FAM229B: variants seen among roughly 807,000 people sequenced by gnomAD.
FAM229B encodes the protein family with sequence similarity 229 member B.
A neutral mutation model predicts 6.7 loss-of-function variants in FAM229B; 2 were observed. The ratio of observed to expected loss-of-function variants is 0.30; its 90% CI spans 0.12 to 0.94. The LOEUF (loss-of-function observed/expected upper bound fraction) is 0.94. Ranked by LOEUF, FAM229B falls within the 40% of genes least tolerant of loss-of-function variation. The probability of loss-of-function intolerance (pLI) is 0.54; values close to 1 mark genes in which losing one functional copy is unlikely to be tolerated. For synonymous variants in FAM229B, 29 were observed against 34.0 expected, an observed-to-expected ratio of 0.85 and a Z score of 0.51; for missense variants, 93 against 96.2, an observed-to-expected ratio of 0.97 and a Z score of 0.14.
chr6:112,094,269 T>C (rs1777294212), intron 1 of FAM229B, among the ~76,000 whole-genome samples: 1 of 152,144 alleles, frequency 6.6e-6, no homozygotes. Context: ...CCTAAATATG[T>C]GTCCTGAGAA....
Position 112,101,562 on chromosome 6 carries a change from A to T in FAM229B, c.*775A>T, listed in dbSNP as rs1777399483. 6.6e-6 allele frequency: 1 copy of T among 152,050 alleles called. No homozygotes were observed. The highest frequency in any genetic ancestry group is 6.5e-5 in the Admixed American group (1 of 15,270). The allele number at this position is 152,050 out of a possible 1,614,324, so 9.4% of individuals were successfully genotyped here. On this transcript the variant is annotated 3_prime_UTR_variant, in exon 4 of 4. Transcript: ENST00000368656. ...GTTAGATGTGGGATCACTTTTGAGG[A>T]TGAGGCCAGCTCTCTATGTTCTCTT... is the stretch of plus-strand genomic sequence containing the variant.
At chr6:112,095,662 C>CAAA (rs376039549) in intron 1 of FAM229B, among the ~76,000 whole-genome samples, 4 of 77,882 alleles carry the variant, frequency 5.1e-5, no homozygotes, top group East Asian at 4.4e-4. Context: ...AAAAAAAAAC[C>CAAA]AAAAAAAAAA....
intron 3 of FAM229B, 132 bp downstream of exon 3, chr6:112,099,540 A>G: frequency 3.5e-6 from 3 of 850,116 alleles, no homozygotes; most frequent in South Asian, 4.9e-5. Flanking sequence ...AAGTTAGCGT[A>G]TTAACAGAGC....
chr6:112,094,347 T>A (rs1554318461), intron 1 of FAM229B, among the ~76,000 whole-genome samples: 1 of 152,220 alleles, frequency 6.6e-6, no homozygotes. Flanking sequence ...GAGTTTTTGC[T>A]CCTGCGTGAT....
intron 1 of FAM229B, among the ~76,000 whole-genome samples, chr6:112,093,032 A>T (rs193071947): frequency 6.6e-6 from 1 of 151,966 alleles, no homozygotes; most frequent in Admixed American, 6.5e-5. Context: ...GCAAATTTTA[A>T]TTCAACCGTA....
rs1554319180 is a variant in FAM229B, at chr6:112,100,720, C to T, written c.176C>T (p.Pro59Leu). Residue 59 changes from proline to leucine, a missense_variant, in exon 4 of 4, where the codon CCC (proline) becomes CTC (leucine). Physicochemically the swap from Pro to Leu is moderately conservative, Grantham distance 98. Coordinates refer to ENST00000368656, the MANE Select transcript of FAM229B (RefSeq NM_001033564.3). ...GSHCLTITDV[P>L]VTVYATTRKP... ...CATTGCCTGACAATAACTGATGTTC[C>T]CGTCACTGTTTATGCAACAACGAGA... 5 of 1,613,992 alleles carry T rather than the reference C, an allele frequency of 3.1e-6. No homozygotes were observed. The highest frequency in any genetic ancestry group is 4.2e-6 in the Non-Finnish European group (5 of 1,179,944).
rs1254389402 is a variant in FAM229B, at chr6:112,100,994, T to C, written c.*207T>C. ...GTTATGTCTGATACATAAGACAGAA[T>C]AATATTTCACAATTAGAAAGTACCT... On this transcript the variant is annotated 3_prime_UTR_variant, in exon 4 of 4. Coordinates refer to ENST00000368656, the MANE Select transcript of FAM229B (RefSeq NM_001033564.3). The C allele has an allele frequency of 2.1e-6, 1 of 473,736 alleles. No individual in the cohort carries two copies. The highest frequency in any genetic ancestry group is 2.0e-5 in the African/African-American group (1 of 50,656). 29.3% of individuals were successfully genotyped at this position (473,736 alleles called of 1,614,324 possible).
In FAM229B at chr6:112,101,032, T is replaced by A. The variant is rs952977143; in HGVS notation, c.*245T>A. The A allele has an allele frequency of 5.5e-6, 2 of 362,002 alleles. No individual in the cohort carries two copies. The highest frequency in any genetic ancestry group is 4.9e-5 in the East Asian group (1 of 20,332). The allele number at this position is 362,002 out of a possible 1,614,324, so 22.4% of individuals were successfully genotyped here. A position where few individuals can be genotyped will look rare whatever the true frequency, so the allele number is the denominator to read the frequency against. Reference sequence around the variant, plus strand: ...TTAGAAAGTACCTTAGAGATCATCTTGCTCACAGTAGATCATTAATATCAA... The same window carrying A: ...TTAGAAAGTACCTTAGAGATCATCTAGCTCACAGTAGATCATTAATATCAA... On this transcript the variant is annotated 3_prime_UTR_variant, in exon 4 of 4. Transcript: ENST00000368656.
At chr6:112,094,515 C>T (rs1424637308) in intron 1 of FAM229B, among the ~76,000 whole-genome samples, 3 of 151,634 alleles carry the variant, frequency 2.0e-5, no homozygotes, top group African/African-American at 7.3e-5. Flanking sequence ...TTTTTGTCTC[C>T]CACTCATTTC....
chr6:112,088,583 T>C (rs1387858380), intron 1 of FAM229B, among the ~76,000 whole-genome samples: 1 of 152,210 alleles, frequency 6.6e-6, no homozygotes, highest in Non-Finnish European at 1.5e-5. Context: ...TAGTTACTAT[T>C]AAATTTCTCT....
At chr6:112,097,712 G>A (rs1554318814) in intron 2 of FAM229B, among the ~76,000 whole-genome samples, 2 of 152,146 alleles carry the variant, frequency 1.3e-5, no homozygotes, top group African/African-American at 4.8e-5. Context: ...AATACATTGT[G>A]TACTAATAGT....
intron 1 of FAM229B, among the ~76,000 whole-genome samples, chr6:112,093,046 A>G (rs1777277795): frequency 6.6e-6 from 1 of 151,976 alleles, no homozygotes; most frequent in African/African-American, 2.4e-5. Context: ...AACCGTATCT[A>G]TCATATTAAA....
In FAM229B at chr6:112,095,752, T is replaced by C. The variant is rs187208587; in HGVS notation, c.-175-1289T>C. Among the ~76,000 whole-genome samples the C allele has an allele frequency of 1.6e-4, 24 of 148,732 alleles. No individual in the cohort carries two copies. The East Asian group carries it at 4.0e-3, about 25-fold the overall frequency. ...CCCCACTGCTACCACCTCTCAAACA[T>C]GTAAACTATTACATTTTTTGCCATC... On this transcript the variant is annotated intron_variant, in intron 1 of 3. Coordinates refer to ENST00000368656, the MANE Select transcript of FAM229B (RefSeq NM_001033564.3).
intron 1 of FAM229B, among the ~76,000 whole-genome samples, chr6:112,091,922 G>T (rs889827837): frequency 9.9e-5 from 15 of 152,038 alleles, no homozygotes; most frequent in Non-Finnish European, 2.2e-4. Flanking sequence ...GAGATGAAAA[G>T]TACAATATCT....
intron 1 of FAM229B, among the ~76,000 whole-genome samples, chr6:112,093,251 CAGAAAAGTAGACTAT>C (rs1777280882): frequency 6.6e-6 from 1 of 151,770 alleles, no homozygotes; most frequent in African/African-American, 2.4e-5. Flanking sequence ...ATACAAGTAT[CAGAAAAGTAGACTAT>C]AGAGCAAAGA....
At chr6:112,099,163 C>A in intron 2 of FAM229B, 107 bp from the exon 3 acceptor site, 1 of 998,764 alleles carries the variant, frequency 1.0e-6, no homozygotes, top group Non-Finnish European at 1.5e-6. Flanking sequence ...TAGTGAGACT[C>A]TGACTCTTTA....
intron 1 of FAM229B, among the ~76,000 whole-genome samples, 161 bp from the exon 2 acceptor site, chr6:112,096,880 G>A (rs1554318711): frequency 6.6e-6 from 1 of 152,166 alleles, no homozygotes; most frequent in African/African-American, 2.4e-5. Context: ...ACTACAGGTG[G>A]ATTAGACTGT....
At chr6:112,093,169 T>C (rs916513353) in intron 1 of FAM229B, among the ~76,000 whole-genome samples, 2 of 151,860 alleles carry the variant, frequency 1.3e-5, no homozygotes, top group Non-Finnish European at 2.9e-5. Flanking sequence ...TGGAATATAA[T>C]AACCAAATTG....
Position 112,100,647 on chromosome 6 carries a change from A to G in FAM229B, c.126-23A>G, listed in dbSNP as rs199615066. 11 of 1,511,532 alleles carry G rather than the reference A, an allele frequency of 7.3e-6. No homozygotes were observed. In the East Asian group the frequency reaches 1.1e-4, roughly 15 times the overall value. The allele number at this position is 1,511,532 out of a possible 1,614,324, so 93.6% of individuals were successfully genotyped here. A position where few individuals can be genotyped will look rare whatever the true frequency, so the allele number is the denominator to read the frequency against. On this transcript the variant is annotated intron_variant, in intron 3 of 3. Transcript: ENST00000368656. ...TTTCCTCTTTTTAGTATCTAACTAC[A>G]TGTCATCTGCTTTTTTATTCAGGCA...
Sources: allele counts gnomAD v4.1 joint callset (sites outside exome capture counted in the v4.1 genomes callset), GRCh38; gene constraint gnomAD v4.1.1; transcripts MANE v1.5; gene names NCBI Gene and HGNC (gene_info 2026-07-23, HGNC 2026-07-21).